NFIC: variants seen among roughly 807,000 people sequenced by gnomAD.
NFIC encodes nuclear factor I C.
In NFIC, 12 loss-of-function variants were observed where a neutral mutation model predicts 54.4. That is an observed-to-expected ratio of 0.22 (90% confidence interval 0.14 to 0.36). The LOEUF (loss-of-function observed/expected upper bound fraction) is 0.36, where lower values mean the gene tolerates loss of function less well. NFIC is among the 10% of genes least tolerant of loss of function. The probability of loss-of-function intolerance (pLI) is 1.00; values close to 1 mark genes in which losing one functional copy is unlikely to be tolerated. For synonymous variants in NFIC, 322 were observed against 319.2 expected (o/e 1.01, Z -0.09); for missense variants, 575 against 718.2 (o/e 0.80, Z 2.28).
intron 3 of NFIC, among the ~76,000 whole-genome samples, chr19:3,427,902 G>T: frequency 6.6e-6 from 1 of 151,962 alleles, no homozygotes; most frequent in South Asian, 2.1e-4. Flanking sequence ...GGGTGCGGGG[G>T]CTTACGCCTG....
At chr19:3,405,273 C>T (rs151159042) in intron 2 of NFIC, among the ~76,000 whole-genome samples, 3 of 152,304 alleles carry the variant, frequency 2.0e-5, no homozygotes, top group South Asian at 2.1e-4. Flanking sequence ...CTCTGCCTCT[C>T]GGGCCCCCCC....
rs1381509680 is a variant in NFIC at position 3,455,079 on chromosome 19, C to CG, written c.1423+1165dup. On this transcript the variant is annotated intron_variant, in intron 9 of 10. Transcript: ENST00000443272. Reference sequence around the variant, plus strand: ...ATTCACAGGGCAGTGGGGGACAAGCCGGTGACATGGGTCAGGGAGGCAGAG... The same window carrying CG: ...ATTCACAGGGCAGTGGGGGACAAGCCGGGTGACATGGGTCAGGGAGGCAGAG... Among the ~76,000 whole-genome samples the CG allele has an allele frequency of 9.8e-5, 15 of 152,316 alleles. No individual in the cohort carries two copies. The South Asian group carries it at 1.4e-3, about 15-fold the overall frequency.
intron 2 of NFIC, among the ~76,000 whole-genome samples, chr19:3,405,261 G>A (rs2081629351): frequency 6.6e-6 from 1 of 152,190 alleles, no homozygotes; most frequent in Non-Finnish European, 1.5e-5. Flanking sequence ...CCCCGTCCAC[G>A]CCTCTGCCTC....
intron 2 of NFIC, among the ~76,000 whole-genome samples, chr19:3,389,030 C>A (rs2081340750): frequency 6.6e-6 from 1 of 152,062 alleles, no homozygotes; most frequent in South Asian, 2.1e-4. Flanking sequence ...GGTATTGAAA[C>A]CCCTTAAACC....
chr19:3,456,567 A>T lies in NFIC; in HGVS notation c.1441A>T (p.Thr481Ser). 6.4e-7 allele frequency: 1 copy of T among 1,551,548 alleles called. No individual in the cohort carries two copies. The highest frequency in any genetic ancestry group is 8.7e-7 in the Non-Finnish European group (1 of 1,146,780). The change falls in exon 10 of 11, where the codon ACG (threonine) becomes TCG (serine). Residue 481 changes from threonine (T) to serine (S), a missense_variant. Transcript: ENST00000443272. The part of the protein sequence containing the change: ...PTSPSYSPPD[T>S]SPANRSFVGL... ...CCCTGCAGCCTACTCTCCGCCCGAC[A>T]CGTCCCCTGCAAACCGTTCCTTTGT...
At chr19:3,440,494 G>A (rs1368343851) in intron 6 of NFIC, among the ~76,000 whole-genome samples, 1 of 151,158 alleles carries the variant, frequency 6.6e-6, no homozygotes, top group South Asian at 2.1e-4. Context: ...TGCAATGCGC[G>A]ATCTTGACTC....
At chr19:3,394,276 T>C (rs2145512472) in intron 2 of NFIC, among the ~76,000 whole-genome samples, 1 of 151,918 alleles carries the variant, frequency 6.6e-6, no homozygotes, top group South Asian at 2.1e-4. Context: ...GTCAGGAGTT[T>C]GAGACCAGCC....
At chr19:3,366,850 C>A (rs1381155527) in intron 1 of NFIC, among the ~76,000 whole-genome samples, 184 bp downstream of exon 1, 4 of 151,972 alleles carry the variant, frequency 2.6e-5, no homozygotes, top group Non-Finnish European at 4.4e-5. Flanking sequence ...GGGTACCCCC[C>A]CCACACCCTT....
At chr19:3,448,468 G>A (rs1447586364) in intron 6 of NFIC, among the ~76,000 whole-genome samples, 4 of 152,184 alleles carry the variant, frequency 2.6e-5, no homozygotes, top group African/African-American at 4.8e-5. Flanking sequence ...CAGCCTGGGA[G>A]GTAGTGAGGC....
At chr19:3,381,663 G>A in intron 1 of NFIC, 49 bp from the exon 2 acceptor site, 1 of 1,589,604 alleles carries the variant, frequency 6.3e-7, no homozygotes, top group Non-Finnish European at 8.5e-7. Flanking sequence ...CAGTGGGTCC[G>A]CCCTCTGCGT....
At chr19:3,398,741 G>C (rs914301513) in intron 2 of NFIC, among the ~76,000 whole-genome samples, 12 of 152,254 alleles carry the variant, frequency 7.9e-5, no homozygotes, top group African/African-American at 2.4e-4. Context: ...ACAAGCCTGT[G>C]CCTCGCTGCC....
chr19:3,458,431 ACT>A lies in NFIC; in HGVS notation c.1509+1801_1509+1802del, dbSNP rs1303822774. On this transcript the variant is annotated intron_variant, in intron 10 of 10. Coordinates refer to ENST00000443272, the MANE Select transcript of NFIC (RefSeq NM_001245002.2). The surrounding 1 kb of genome is among the most constrained non-coding windows in gnomAD (Gnocchi z 4.1). Reference sequence around the variant, plus strand: ...TTCCCCAGCCTCTGCCTTGGACCAAACTCTCTGACCAGGCCCTCCCGCCAGGG... The same window carrying A: ...TTCCCCAGCCTCTGCCTTGGACCAAACTCTGACCAGGCCCTCCCGCCAGGG... Among the ~76,000 whole-genome samples, 1 of 151,334 alleles carries A rather than the reference ACT, an allele frequency of 6.6e-6. No homozygotes were observed. The highest frequency in any genetic ancestry group is 6.6e-5 in the Admixed American group (1 of 15,200).
upstream of NFIC, chr19:3,366,536 G>GT (rs2080886716): frequency 7.5e-6 from 3 of 400,968 alleles, no homozygotes; most frequent in East Asian, 9.8e-5. Flanking sequence ...CCGCGGGGCG[G>GT]GGGGGGGGGT....
At chr19:3,451,738 C>T (rs555267183) in intron 7 of NFIC, among the ~76,000 whole-genome samples, 3 of 151,832 alleles carry the variant, frequency 2.0e-5, no homozygotes, top group South Asian at 2.1e-4. Flanking sequence ...TTCAAATTCC[C>T]GGTCTGCCAT....
chr19:3,429,142 C>T (rs1166393405), intron 3 of NFIC, among the ~76,000 whole-genome samples: 13 of 116,740 alleles, frequency 1.1e-4, no homozygotes, highest in South Asian at 6.0e-4. Context: ...AATATACACA[C>T]ACACACACAC....
At chr19:3,446,273 A>G (rs1025046891) in intron 6 of NFIC, among the ~76,000 whole-genome samples, 1 of 152,150 alleles carries the variant, frequency 6.6e-6, no homozygotes, top group Admixed American at 6.5e-5. Context: ...GGATCATGGG[A>G]CATAGTCTCG....
intron 2 of NFIC, 45 bp downstream of exon 2, chr19:3,382,288 C>T (rs745324375): frequency 5.1e-6 from 8 of 1,575,072 alleles, no homozygotes; most frequent in East Asian, 2.2e-5. Context: ...GGGAGGGTGT[C>T]TGATGGTGGT....
intron 2 of NFIC, among the ~76,000 whole-genome samples, chr19:3,416,037 C>G (rs1000882708): frequency 1.3e-4 from 19 of 151,814 alleles, no homozygotes; most frequent in African/African-American, 4.6e-4. Context: ...GGGCCACAAG[C>G]CTGTAGCCCC....
chr19:3,460,499 T>G (rs950207680), intron 10 of NFIC, among the ~76,000 whole-genome samples: 1 of 152,034 alleles, frequency 6.6e-6, no homozygotes, highest in Admixed American at 6.6e-5. Flanking sequence ...GGAGAATTTT[T>G]TTTTGTTTTT....
Sources: allele counts gnomAD v4.1 joint callset (sites outside exome capture counted in the v4.1 genomes callset), GRCh38; gene constraint gnomAD v4.1.1; non-coding constraint Gnocchi (gnomAD v3.1); transcripts MANE v1.5; gene names NCBI Gene and HGNC (gene_info 2026-07-23, HGNC 2026-07-21).